CYFIP1: variants seen among roughly 807,000 people sequenced by gnomAD.
CYFIP1 encodes cytoplasmic FMR1-interacting protein 1.
CYFIP1 carries 58 observed loss-of-function variants against 163.5 expected under a neutral mutation model. The ratio of observed to expected loss-of-function variants is 0.35; its 90% CI spans 0.29 to 0.44. CYFIP1 has a LOEUF of 0.44. Ranked by LOEUF, CYFIP1 falls within the 20% of genes least tolerant of loss-of-function variation. The pLI, the probability that CYFIP1 is intolerant of heterozygous loss-of-function variation, is 1.00. For missense variants in CYFIP1, 1,338 were observed against 1,653.8 expected (o/e 0.81, Z 3.31); for synonymous variants, 663 against 660.7 (o/e 1.00, Z -0.05).
intron 30 of CYFIP1, among the ~76,000 whole-genome samples, chr15:22,872,156 G>A (rs979188830): frequency 4.6e-5 from 7 of 151,910 alleles, no homozygotes; most frequent in African/African-American, 7.3e-5. Flanking sequence ...TCAGCCGGGC[G>A]TGGTGGCAGG....
At chr15:22,938,596 C>G (rs1277616457) in intron 8 of CYFIP1, among the ~76,000 whole-genome samples, 1 of 151,580 alleles carries the variant, frequency 6.6e-6, no homozygotes, top group Non-Finnish European at 1.5e-5. Context: ...AAGAGCAAAG[C>G]CCTGTCTCAA....
intron 1 of CYFIP1, among the ~76,000 whole-genome samples, chr15:22,970,118 G>A: frequency 6.6e-6 from 1 of 152,174 alleles, no homozygotes; most frequent in Middle Eastern, 3.4e-3. Context: ...ATCCCAAAAG[G>A]AAATTAATTC....
intron 13 of CYFIP1, among the ~76,000 whole-genome samples, chr15:22,923,967 A>G (rs1664530420): frequency 6.7e-6 from 1 of 148,446 alleles, no homozygotes; most frequent in South Asian, 2.2e-4. Context: ...AAAAAAAAAC[A>G]AGAAAAAGAA....
intron 22 of CYFIP1, among the ~76,000 whole-genome samples, chr15:22,897,487 T>C (rs76044305): frequency 4.0e-5 from 6 of 151,388 alleles, no homozygotes; most frequent in Admixed American, 6.6e-5. Context: ...TGTTTTTTTT[T>C]TTTGTTTGTG....
chr15:22,873,488 T>C lies in CYFIP1; in HGVS notation c.3449+3A>G, dbSNP rs1215843918. ...CTTTGTCCTGCTCTCAGCACACACT[T>C]ACTCGACTGTGAACTCGTGTGTCCC... On this transcript the variant is annotated splice_donor_region_variant and intron_variant, in intron 29 of 30. Coordinates refer to ENST00000617928, the MANE Select transcript of CYFIP1 (RefSeq NM_014608.6). 6.2e-7 allele frequency: 1 copy of C among 1,610,270 alleles called. No individual in the cohort carries two copies. The highest frequency in any genetic ancestry group is 1.3e-5 in the African/African-American group (1 of 74,872).
intron 26 of CYFIP1, 24 bp from the exon 27 acceptor site, chr15:22,875,295 A>G (rs949372701): frequency 6.2e-7 from 1 of 1,607,844 alleles, no homozygotes; most frequent in Admixed American, 1.7e-5. Flanking sequence ...AGAGAGGGTC[A>G]AGCTAGGAAG....
At chr15:22,893,864 G>A (rs1410032918) in intron 22 of CYFIP1, among the ~76,000 whole-genome samples, 1 of 152,180 alleles carries the variant, frequency 6.6e-6, no homozygotes, top group Non-Finnish European at 1.5e-5. Context: ...CTGCATCTGC[G>A]TGAGTCCATG....
intron 22 of CYFIP1, among the ~76,000 whole-genome samples, chr15:22,895,461 TA>T (rs2060210866): frequency 6.6e-6 from 1 of 152,112 alleles, no homozygotes; most frequent in African/African-American, 2.4e-5. Context: ...TCTATATTTC[TA>T]AATAATACAT....
intron 22 of CYFIP1, 97 bp from the exon 23 acceptor site, chr15:22,893,074 T>C: frequency 1.2e-6 from 1 of 851,228 alleles, no homozygotes; most frequent in Admixed American, 2.2e-5. Flanking sequence ...TAAATCTTCC[T>C]CCCAGTCAAC....
chr15:22,971,203 G>A (rs2063083131), intron 1 of CYFIP1, among the ~76,000 whole-genome samples: 1 of 152,174 alleles, frequency 6.6e-6, no homozygotes, highest in Admixed American at 6.5e-5. Context: ...CATCAGATTT[G>A]GCAATGATTT....
At chr15:22,925,268 GT>G (rs2061322201) in intron 13 of CYFIP1, among the ~76,000 whole-genome samples, 1 of 152,156 alleles carries the variant, frequency 6.6e-6, no homozygotes, top group Non-Finnish European at 1.5e-5. Context: ...AGCCAAGGAA[GT>G]CTAGGAGACA....
chr15:22,868,481 A>G lies in CYFIP1; in HGVS notation c.*1547T>C, dbSNP rs1341923208. ...TTGGTAATTGATTAAGTTTTACCAT[A>G]ATTTTTCATCCTATTCTGTAGTTTC... On this transcript the variant is annotated 3_prime_UTR_variant, in exon 31 of 31. Coordinates refer to ENST00000617928, the MANE Select transcript of CYFIP1 (RefSeq NM_014608.6). 2 of 152,182 alleles carry G rather than the reference A, an allele frequency of 1.3e-5. No individual in the cohort carries two copies. The highest frequency in any genetic ancestry group is 4.8e-5 in the African/African-American group (2 of 41,430). The allele number at this position is 152,182 out of a possible 1,614,324, so 9.4% of individuals were successfully genotyped here. A position where few individuals can be genotyped will look rare whatever the true frequency, so the allele number is the denominator to read the frequency against.
At chr15:22,939,133 T>A in intron 8 of CYFIP1, 59 bp downstream of exon 8, 1 of 1,601,848 alleles carries the variant, frequency 6.2e-7, no homozygotes, top group Non-Finnish European at 8.5e-7. Context: ...GCACAGCCTA[T>A]TGACAAGAGT....
Position 22,903,880 on chromosome 15 carries a change from T to C in CYFIP1, c.2414A>G (p.Asn805Ser), listed in dbSNP as rs779313515. The change falls in exon 22 of 31, where the codon AAC becomes AGC. Residue 805 changes from asparagine to serine, a missense_variant. Around this residue, in one of 4 missense-constraint regions of CYFIP1, gnomAD observed 824 missense variants for 995.7 expected, o/e 0.83. Transcript: ENST00000617928. Reference protein sequence around the residue: ...IVELDGLLEINRMTHKLLSRY... With the variant: ...IVELDGLLEISRMTHKLLSRY... ...GCTCAGCAGCTTGTGGGTCATGCGG[T>C]TGATTTCCAACAGGCCATCCAGCTC... 3.7e-6 allele frequency: 6 copies of C among 1,613,946 alleles called. No individual in the cohort carries two copies. The highest frequency in any genetic ancestry group is 5.1e-6 in the Non-Finnish European group (6 of 1,180,000).
chr15:22,880,067 G>A (rs932747035), intron 25 of CYFIP1, 24 bp from the exon 26 acceptor site: 10 of 1,612,972 alleles, frequency 6.2e-6, no homozygotes, highest in East Asian at 2.2e-5. Flanking sequence ...AGTGAGGTGG[G>A]GTTGGGGGAC....
At chr15:22,920,123 G>T in intron 13 of CYFIP1, among the ~76,000 whole-genome samples, 1 of 145,810 alleles carries the variant, frequency 6.9e-6, no homozygotes, top group Non-Finnish European at 1.5e-5. Context: ...AAAACCTTTT[G>T]AAATTAAGTA....
intron 1 of CYFIP1, among the ~76,000 whole-genome samples, chr15:22,955,789 A>G (rs2062427651): frequency 6.6e-6 from 1 of 152,182 alleles, no homozygotes; most frequent in Non-Finnish European, 1.5e-5. Flanking sequence ...TGGGGAACCC[A>G]GTTCCCAGAG....
At chr15:22,959,241 T>C (rs948961173) in intron 1 of CYFIP1, among the ~76,000 whole-genome samples, 1 of 152,204 alleles carries the variant, frequency 6.6e-6, no homozygotes, top group East Asian at 1.9e-4. Context: ...GGAGTGCTCC[T>C]CGACGACGGC....
chr15:22,963,154 T>C (rs1425164364), intron 1 of CYFIP1, among the ~76,000 whole-genome samples: 2 of 152,208 alleles, frequency 1.3e-5, no homozygotes, highest in Non-Finnish European at 2.9e-5. Flanking sequence ...GTTTGAATTG[T>C]GTTCTTTGTC....
Sources: allele counts gnomAD v4.1 joint callset (sites outside exome capture counted in the v4.1 genomes callset), GRCh38; gene constraint gnomAD v4.1.1; regional missense constraint gnomAD v4.1.1; transcripts MANE v1.5; gene names NCBI Gene and HGNC (gene_info 2026-07-23, HGNC 2026-07-21).